The following SEMA4D variants were observed in gnomAD, a reference collection of about 807,000 sequenced individuals.
SEMA4D encodes semaphorin 4D.
Under a neutral mutation model 74.8 loss-of-function variants are expected in SEMA4D, and 22 were observed. The ratio of observed to expected loss-of-function variants is 0.29; its 90% CI spans 0.21 to 0.42. The LOEUF is 0.42. Among genes scored for constraint, SEMA4D ranks in the 10% least tolerant of loss-of-function variants. The probability of loss-of-function intolerance (pLI) is 1.00; values close to 1 mark genes in which losing one functional copy is unlikely to be tolerated. For synonymous variants in SEMA4D, 445 were observed against 463.7 expected (o/e 0.96, Z 0.52); for missense variants, 937 against 1,118.4 (o/e 0.84, Z 2.31).
intron 4 of SEMA4D, 85 bp from the exon 5 acceptor site, chr9:89,399,423 A>G (rs1564625790): frequency 9.5e-7 from 1 of 1,047,496 alleles, no homozygotes; most frequent in Non-Finnish European, 1.5e-6. Context: ...CACATGATAG[A>G]GTTTAGAGCC....
chr9:89,419,715 C>A (rs1382571235), intron 2 of SEMA4D, among the ~76,000 whole-genome samples: 1 of 152,038 alleles, frequency 6.6e-6, no homozygotes, highest in South Asian at 2.1e-4. Flanking sequence ...GAGTTCAAGA[C>A]CAGCTTGACC....
At chr9:89,457,938 C>CAGG (rs2135586289) in intron 1 of SEMA4D, among the ~76,000 whole-genome samples, 1 of 151,802 alleles carries the variant, frequency 6.6e-6, no homozygotes, top group Non-Finnish European at 1.5e-5. Flanking sequence ...GAGGCTGAGA[C>CAGG]AGGAGAATCA....
rs968321271 is a variant in SEMA4D at position 89,451,667 on chromosome 9, G to A, written c.-244+4221C>T. On this transcript the variant is annotated intron_variant, in intron 2 of 15. Coordinates refer to ENST00000422704, the MANE Select transcript of SEMA4D (RefSeq NM_001371194.2). ...AAAGGTGACAAATTTCAGTACCTCC[G>A]GCATGCTGTCCCAGGAAACTAGGGC... is the stretch of plus-strand genomic sequence containing the variant. Among the ~76,000 whole-genome samples the A allele has an allele frequency of 2.6e-5, 4 of 152,148 alleles. No homozygotes were observed. In the South Asian group the frequency reaches 6.2e-4, roughly 24 times the overall value.
chr9:89,378,627 C>A lies in SEMA4D; in HGVS notation c.*77G>T. The A allele has an allele frequency of 8.7e-7, 1 of 1,143,716 alleles. No individual in the cohort carries two copies. Among genetic ancestry groups the A allele is most frequent in the Non-Finnish European group, 1.3e-6 (1 of 775,310 alleles). The allele number at this position is 1,143,716 out of a possible 1,614,324, so 70.8% of individuals were successfully genotyped here. ...CGCAGCACTGCACGAGACTCGGATA[C>A]TGAACAGGAGAAACACAAAACTCTC... is the stretch of plus-strand genomic sequence containing the variant. On this transcript the variant is annotated 3_prime_UTR_variant, in exon 16 of 16. Transcript: ENST00000422704.
At chr9:89,423,212 A>G (rs1847336576) in intron 2 of SEMA4D, among the ~76,000 whole-genome samples, 1 of 147,844 alleles carries the variant, frequency 6.8e-6, no homozygotes. Context: ...TTAAATTGAG[A>G]TGGAGTTTCA....
rs765458757 is a variant in SEMA4D, at chr9:89,391,418, G to T, written c.623-3C>A. On this transcript the variant is annotated splice_polypyrimidine_tract_variant and splice_region_variant and intron_variant, in intron 8 of 15. Coordinates refer to ENST00000422704, the MANE Select transcript of SEMA4D (RefSeq NM_001371194.2). ...GTCAGCAAACACGAAACTAGGCTCT[G>T]CAGAGAGAGGACAGTGATTATCCCA... 20 of 1,614,182 alleles carry T rather than the reference G, an allele frequency of 1.2e-5. No individual in the cohort carries two copies. The highest frequency in any genetic ancestry group is 1.6e-5 in the Non-Finnish European group (19 of 1,180,016).
At chr9:89,482,102 C>T (rs1824760454) in intron 1 of SEMA4D, among the ~76,000 whole-genome samples, 1 of 152,204 alleles carries the variant, frequency 6.6e-6, no homozygotes, top group Admixed American at 6.5e-5. Flanking sequence ...TGGAGCCGAC[C>T]CAGCTGCTCT....
intron 2 of SEMA4D, among the ~76,000 whole-genome samples, chr9:89,442,326 G>A (rs1262402219): frequency 6.6e-6 from 1 of 152,244 alleles, no homozygotes; most frequent in Non-Finnish European, 1.5e-5. Flanking sequence ...CCTGTCAGAA[G>A]AGGAGGGAGC....
chr9:89,405,036 C>A (rs533315171), intron 3 of SEMA4D, among the ~76,000 whole-genome samples: 1 of 143,476 alleles, frequency 7.0e-6, no homozygotes, highest in Non-Finnish European at 1.5e-5. Flanking sequence ...CCATCCTCAG[C>A]CACCCGCCTC....
intron 1 of SEMA4D, among the ~76,000 whole-genome samples, chr9:89,468,759 G>A (rs2135900949): frequency 6.6e-6 from 1 of 152,268 alleles, no homozygotes; most frequent in South Asian, 2.1e-4. Flanking sequence ...TTCTCCCGGT[G>A]TGTAATGCTT....
intron 2 of SEMA4D, among the ~76,000 whole-genome samples, chr9:89,428,063 C>A (rs1289453392): frequency 6.6e-6 from 1 of 152,202 alleles, no homozygotes; most frequent in Non-Finnish European, 1.5e-5. Flanking sequence ...TGGCTTAGGG[C>A]TGACCTGAGA....
chr9:89,369,337 CTG>C (rs1834183675), intron 16 of SEMA4D: 1 of 152,218 alleles, frequency 6.6e-6, no homozygotes, highest in Non-Finnish European at 1.5e-5. Flanking sequence ...ATTTCTAACA[CTG>C]TAGTTAAAAC....
At chr9:89,480,787 G>A (rs915128290) in intron 1 of SEMA4D, among the ~76,000 whole-genome samples, 2 of 152,206 alleles carry the variant, frequency 1.3e-5, no homozygotes, top group Non-Finnish European at 2.9e-5. Context: ...CCCTGTTCCC[G>A]CTCCTGCCTC....
At chr9:89,456,695 C>T (rs748772658) in intron 1 of SEMA4D, among the ~76,000 whole-genome samples, 19 of 152,164 alleles carry the variant, frequency 1.2e-4, no homozygotes, top group Admixed American at 6.5e-4. Context: ...ATTCTGCTGC[C>T]GCTGCCTCAG....
chr9:89,366,172 A>G (rs1041443446), intron 16 of SEMA4D, among the ~76,000 whole-genome samples: 2 of 152,200 alleles, frequency 1.3e-5, no homozygotes, highest in African/African-American at 4.8e-5. Flanking sequence ...GTGAAACAAT[A>G]TCTAGGAATG....
intron 13 of SEMA4D, chr9:89,385,991 A>C: frequency 1.0e-6 from 1 of 985,102 alleles, no homozygotes; most frequent in Non-Finnish European, 1.2e-6. Context: ...TTCCACGGTG[A>C]CGAGTCAGCT....
downstream of SEMA4D, among the ~76,000 whole-genome samples, chr9:89,375,649 CCTTT>C (rs1835687578): frequency 6.6e-6 from 1 of 152,232 alleles, no homozygotes; most frequent in Non-Finnish European, 1.5e-5. Flanking sequence ...CAGGCCACTT[CCTTT>C]CTTTCTGTAT....
Position 89,379,097 on chromosome 9 carries a change from G to A in SEMA4D, c.2196C>T (p.Asp732=). 1 of 1,614,206 alleles carries A rather than the reference G, an allele frequency of 6.2e-7. No individual in the cohort carries two copies. ...GGAAGAGGGACATGAGGAGGCGGTT[G>A]TCGCTGGACTTAAGATACATGGTTT... The part of the protein sequence containing the change: ...SEKTMYLKSS[D]NRLLMSLFLF... The change falls in exon 16 of 16, where the codon GAC becomes GAT. Residue 732 remains aspartate (D), a synonymous_variant. Transcript: ENST00000422704.
At chr9:89,478,064 C>A (rs1272192715) in intron 1 of SEMA4D, among the ~76,000 whole-genome samples, 1 of 152,222 alleles carries the variant, frequency 6.6e-6, no homozygotes, top group Non-Finnish European at 1.5e-5. Context: ...GCTGATAAAG[C>A]CCTGCTGAAA....
Sources: gnomAD v4.1 joint callset for allele counts (sites outside exome capture counted in the v4.1 genomes callset) on GRCh38, gnomAD v4.1.1 for gene constraint, MANE v1.5 for transcripts, NCBI Gene and HGNC (gene_info 2026-07-23, HGNC 2026-07-21) for gene names.